KMT2A: variants seen among roughly 807,000 people sequenced by gnomAD.
The protein encoded by KMT2A is lysine methyltransferase 2A.
In KMT2A, 16 loss-of-function variants were observed where a neutral mutation model predicts 345.3. That is an observed-to-expected ratio of 0.05 (90% CI 0.03 to 0.07). The LOEUF is 0.07. Among genes scored for constraint, KMT2A ranks in the 10% least tolerant of loss-of-function variants. The probability of loss-of-function intolerance (pLI) is 1.00; values close to 1 mark genes in which losing one functional copy is unlikely to be tolerated. For synonymous variants in KMT2A, 1,599 were observed against 1,778.6 expected (o/e 0.90, Z 2.54); for missense variants, 3,272 against 4,841.6 (o/e 0.68, Z 9.62).
At chr11:118,468,919 A>G in intron 2 of KMT2A, 75 bp downstream of exon 2, 1 of 1,139,490 alleles carries the variant, frequency 8.8e-7, no homozygotes, top group Non-Finnish European at 1.3e-6. Flanking sequence ...TGCCTTCTTT[A>G]CATGTAAAGG....
rs1266857910 is a variant in KMT2A, at chr11:118,436,685, C to T, written c.173C>T (p.Pro58Leu). Residue 58 changes from proline to leucine, a missense_variant, in exon 1 of 36, where the codon CCG becomes CTG. Coordinates refer to ENST00000534358, the MANE Select transcript of KMT2A (RefSeq NM_001197104.2). This position sits in a 1 kb window ranked among gnomAD's most constrained non-coding sequence, Gnocchi z 6.9. ...GGGPGAPPSP[P>L]AVAAAAAAAG... ...GGCCCCGGGGCGCCCCCCTCCCCCC[C>T]GGCTGTGGCGGCCGCGGCGGCGGCG... 7 of 1,283,634 alleles carry T rather than the reference C, an allele frequency of 5.5e-6. No individual in the cohort carries two copies. The African/African-American group carries it at 6.1e-5, about 11-fold the overall frequency. The allele number at this position is 1,283,634 out of a possible 1,614,324, so 79.5% of individuals were successfully genotyped here.
Position 118,494,843 on chromosome 11 carries a change from G to T in KMT2A, c.5363+76G>T. On this transcript the variant is annotated intron_variant, in intron 18 of 35. Coordinates refer to ENST00000534358, the MANE Select transcript of KMT2A (RefSeq NM_001197104.2). The surrounding 1 kb of genome is among the most constrained non-coding windows in gnomAD (Gnocchi z 5.8). ...AGAGTTCTCATATTTCTAGATTGCAGTTTTCCAAAAGGTTTTAATACTAGA... is the reference window on the plus strand; with the variant it reads ...AGAGTTCTCATATTTCTAGATTGCATTTTTCCAAAAGGTTTTAATACTAGA... 8.2e-7 allele frequency: 1 copy of T among 1,215,804 alleles called. No individual in the cohort carries two copies. The highest frequency in any genetic ancestry group is 1.2e-6 in the Non-Finnish European group (1 of 833,110). 75.3% of individuals were successfully genotyped at this position (1,215,804 alleles called of 1,614,324 possible).
In KMT2A at chr11:118,491,877, G is replaced by A; in HGVS notation, c.4953G>A (p.Leu1651=). The change falls in exon 15 of 36, where the codon CTG becomes CTA. Residue 1651 remains leucine, a synonymous_variant. Coordinates refer to ENST00000534358, the MANE Select transcript of KMT2A (RefSeq NM_001197104.2). This position sits in a 1 kb window ranked among gnomAD's most constrained non-coding sequence, Gnocchi z 4.2. ...TGCAGATTTCTCTGAAGCAAGTTCT[G>A]ACAGCTTTGTTGAATTCTCGGACTA... ...KELQISLKQV[L]TALLNSRTTS... is the part of the protein sequence containing the mutation. 6.2e-7 allele frequency: 1 copy of A among 1,614,048 alleles called. No individual in the cohort carries two copies. The highest frequency in any genetic ancestry group is 8.5e-7 in the Non-Finnish European group (1 of 1,180,034).
In KMT2A at chr11:118,526,325, T is replaced by C. The variant is rs1555055608; in HGVS notation, c.*4153T>C. The C allele has an allele frequency of 4.4e-6, 1 of 224,768 alleles. No individual in the cohort carries two copies. Among genetic ancestry groups the C allele is most frequent in the African/African-American group, 2.2e-5 (1 of 44,858 alleles). The allele number at this position is 224,768 out of a possible 1,614,324, so 13.9% of individuals were successfully genotyped here. On this transcript the variant is annotated 3_prime_UTR_variant, in exon 36 of 36. Coordinates refer to ENST00000534358, the MANE Select transcript of KMT2A (RefSeq NM_001197104.2). The stretch of plus-strand genomic sequence containing the variant: ...TTACCACCTGCATTTAGGGGAAAAT[T>C]GTGTTCTGTGCTTTCCTGGTATCTT...
Position 118,481,848 on chromosome 11 carries a change from A to G in KMT2A, c.3768A>G (p.Lys1256=). ...CAAGAGAGGATCCTGCCCCAAAGAA[A>G]AGCAGTAGTGAGCCTCCTCCACGAA... The part of the protein sequence containing the change: ...PSAREDPAPK[K]SSSEPPPRKP... Residue 1256 remains lysine (K), a synonymous_variant, in exon 7 of 36, where the codon AAA becomes AAG. Transcript: ENST00000534358. 6.2e-7 allele frequency: 1 copy of G among 1,614,202 alleles called. No individual in the cohort carries two copies. Among genetic ancestry groups the G allele is most frequent in the Non-Finnish European group, 8.5e-7 (1 of 1,180,052 alleles).
rs1950953751 is a variant in KMT2A at position 118,520,958 on chromosome 11, G to A, written c.11513+73G>A. ...TCAAAATCAAAGCAGACCAAATGCTGGAGTGACCTTCCTCACTCAGTAAGT... is the reference window on the plus strand; with the variant it reads ...TCAAAATCAAAGCAGACCAAATGCTAGAGTGACCTTCCTCACTCAGTAAGT... On this transcript the variant is annotated intron_variant, in intron 34 of 35. Transcript: ENST00000534358. The surrounding 1 kb of genome is among the most constrained non-coding windows in gnomAD (Gnocchi z 4.3). 2.3e-5 allele frequency: 26 copies of A among 1,106,586 alleles called. No individual in the cohort carries two copies. The South Asian group carries it at 2.4e-4, about 10-fold the overall frequency. The allele number at this position is 1,106,586 out of a possible 1,614,324, so 68.5% of individuals were successfully genotyped here. A position where few individuals can be genotyped will look rare whatever the true frequency, so the allele number is the denominator to read the frequency against.
At chr11:118,441,914 CT>C (rs782653173) in intron 1 of KMT2A, among the ~76,000 whole-genome samples, 29 of 152,190 alleles carry the variant, frequency 1.9e-4, no homozygotes, top group Non-Finnish European at 3.7e-4. Context: ...TAGAGCTGTC[CT>C]TCCGTGGGGC....
At chr11:118,480,997 A>G (rs1346491357) in intron 6 of KMT2A, among the ~76,000 whole-genome samples, 1 of 152,156 alleles carries the variant, frequency 6.6e-6, no homozygotes, top group East Asian at 1.9e-4. Context: ...ATGGGGGTAC[A>G]TGAGATATGT....
At chr11:118,438,705 T>C (rs915251909) in intron 1 of KMT2A, among the ~76,000 whole-genome samples, 8 of 152,168 alleles carry the variant, frequency 5.3e-5, no homozygotes, top group Non-Finnish European at 1.2e-4. Context: ...CCAAGGACCC[T>C]GGCCCCTCCT....
intron 2 of KMT2A, among the ~76,000 whole-genome samples, chr11:118,469,943 T>C (rs1949914883): frequency 1.3e-5 from 2 of 152,200 alleles, no homozygotes. Context: ...GTAGCAGTGT[T>C]CTCTTTAACA....
At chr11:118,468,580 G>A (rs138800855) in intron 1 of KMT2A, among the ~76,000 whole-genome samples, 195 bp from the exon 2 acceptor site, 1 of 152,214 alleles carries the variant, frequency 6.6e-6, no homozygotes, top group East Asian at 1.9e-4. Flanking sequence ...GCTCCTATTT[G>A]TCTGTAATAA....
In KMT2A at chr11:118,503,855, A is replaced by G; in HGVS notation, c.7963A>G (p.Thr2655Ala). Reference protein sequence around the residue: ...EEDIPFYSSSTGKKRGKRSAE... With the variant: ...EEDIPFYSSSAGKKRGKRSAE... ...AGACATTCCATTCTACAGCAGCTCAACTGGGAAGAAGCGAGGCAAGAGATC... is the reference window on the plus strand; with the variant it reads ...AGACATTCCATTCTACAGCAGCTCAGCTGGGAAGAAGCGAGGCAAGAGATC... The change falls in exon 27 of 36, where the codon ACT becomes GCT. Residue 2655 changes from threonine (T) to alanine (A), a missense_variant. Coordinates refer to ENST00000534358, the MANE Select transcript of KMT2A (RefSeq NM_001197104.2). This position sits in a 1 kb window ranked among gnomAD's most constrained non-coding sequence, Gnocchi z 5.3. The G allele has an allele frequency of 6.2e-7, 1 of 1,614,212 alleles. No individual in the cohort carries two copies. The highest frequency in any genetic ancestry group is 1.3e-5 in the African/African-American group (1 of 75,052).
Position 118,526,619 on chromosome 11 carries a change from A to G in KMT2A, c.*4447A>G, listed in dbSNP as rs1223495715. The G allele has an allele frequency of 4.3e-6, 1 of 231,596 alleles. No homozygotes were observed. The highest frequency in any genetic ancestry group is 2.2e-5 in the African/African-American group (1 of 45,278). 14.3% of individuals were successfully genotyped at this position (231,596 alleles called of 1,614,324 possible). A position where few individuals can be genotyped will look rare whatever the true frequency, so the allele number is the denominator to read the frequency against. On this transcript the variant is annotated 3_prime_UTR_variant, in exon 36 of 36. Coordinates refer to ENST00000534358, the MANE Select transcript of KMT2A (RefSeq NM_001197104.2). ...AAAAAGGAAAATGTGTCTAAAGTCC[A>G]TCAGTGTTAACTCCCTGTGACAGGG...
chr11:118,521,258 T>C lies in KMT2A; in HGVS notation c.11514-30T>C. ...CACTTAACCTTACTTGCAAAATTTG[T>C]GTCTGACCTCTTTTCCATCTTTGTC... On this transcript the variant is annotated intron_variant, in intron 34 of 35. Coordinates refer to ENST00000534358, the MANE Select transcript of KMT2A (RefSeq NM_001197104.2). The surrounding 1 kb of genome is among the most constrained non-coding windows in gnomAD (Gnocchi z 5.3). 1.2e-6 allele frequency: 2 copies of C among 1,610,966 alleles called. No homozygotes were observed. The highest frequency in any genetic ancestry group is 3.3e-5 in the Admixed American group (2 of 59,890).
In KMT2A at chr11:118,510,159, T is replaced by C. The variant is rs377410177; in HGVS notation, c.11071+41T>C. 4.3e-5 allele frequency: 65 copies of C among 1,506,460 alleles called. 1 individual carries two copies. In the Middle Eastern group the frequency reaches 4.6e-3, roughly 106 times the overall value. The allele number at this position is 1,506,460 out of a possible 1,614,324, so 93.3% of individuals were successfully genotyped here. On this transcript the variant is annotated intron_variant, in intron 30 of 35. Coordinates refer to ENST00000534358, the MANE Select transcript of KMT2A (RefSeq NM_001197104.2). This position sits in a 1 kb window ranked among gnomAD's most constrained non-coding sequence, Gnocchi z 4.1. ...CAGGTTGACCCATCAGCAGAAGCCC[T>C]GTTTCAGCTAGAGCTTCATTTTCTG...
At chr11:118,455,158 T>C (rs562275944) in intron 1 of KMT2A, among the ~76,000 whole-genome samples, 2 of 152,316 alleles carry the variant, frequency 1.3e-5, no homozygotes, top group African/African-American at 4.8e-5. Flanking sequence ...TCCTGGTAGC[T>C]AGGATTACAG....
At chr11:118,460,560 G>GT (rs1949727463) in intron 1 of KMT2A, among the ~76,000 whole-genome samples, 1 of 152,162 alleles carries the variant, frequency 6.6e-6, no homozygotes, top group Admixed American at 6.5e-5. Flanking sequence ...AAAATGCTGG[G>GT]TTTACAGTCA....
Position 118,506,073 on chromosome 11 carries a change from G to A in KMT2A, c.10181G>A (p.Gly3394Glu), listed in dbSNP as rs782460936. ...ATCAAAGCTAGCCAGCAGAGCCTGG[G>A]GATTCAGGACCAGCCTGTGGCTTTA... The part of the protein sequence containing the change: ...LLIKASQQSL[G>E]IQDQPVALPP... Residue 3394 changes from glycine (G) to glutamate (E), a missense_variant, in exon 27 of 36, where the codon GGG becomes GAG. Around this residue, in one of 27 missense-constraint regions of KMT2A, gnomAD observed 748 missense variants for 922.2 expected, o/e 0.81. Transcript: ENST00000534358. The A allele has an allele frequency of 2.9e-5, 46 of 1,614,020 alleles. No homozygotes were observed. Among genetic ancestry groups the A allele is most frequent in the African/African-American group, 4.0e-5 (3 of 74,892 alleles).
rs1272782559 is a variant in KMT2A, at chr11:118,494,981, C to G, written c.5363+214C>G. 6.6e-6 allele frequency among the ~76,000 whole-genome samples: 1 copy of G among 152,032 alleles called. No individual in the cohort carries two copies. Among genetic ancestry groups the G allele is most frequent in the Non-Finnish European group, 1.5e-5 (1 of 68,008 alleles). ...TTTATATTTGTTTTATTGTAGGGAG[C>G]TTGGTTTAATTGTGACAAATGTACA... On this transcript the variant is annotated intron_variant, in intron 18 of 35. Transcript: ENST00000534358. This position sits in a 1 kb window ranked among gnomAD's most constrained non-coding sequence, Gnocchi z 5.8.
Sources: allele counts gnomAD v4.1 joint callset (sites outside exome capture counted in the v4.1 genomes callset), GRCh38; gene constraint gnomAD v4.1.1; regional missense constraint gnomAD v4.1.1; non-coding constraint Gnocchi (gnomAD v3.1); transcripts MANE v1.5; gene names NCBI Gene and HGNC (gene_info 2026-07-23, HGNC 2026-07-21).